Variants in GAB2 observed in about 807,000 individuals in gnomAD.
GAB2 encodes the protein GRB2 associated binding protein 2, also known as GRB2-associated-binding protein 2.
Under a neutral mutation model 65.5 loss-of-function variants are expected in GAB2, and 26 were observed. The observed-to-expected ratio is 0.40, with a 90% CI of 0.29 to 0.55. The LOEUF is 0.55. Among genes scored for constraint, GAB2 ranks in the 20% least tolerant of loss-of-function variants. GAB2 has a pLI of 0.53. For synonymous variants in GAB2, 321 were observed against 329.6 expected, an observed-to-expected ratio of 0.97 and a Z score of 0.28; for missense variants, 884 against 875.8, an observed-to-expected ratio of 1.01 and a Z score of -0.12.
chr11:78,409,280 A>G lies in GAB2; in HGVS notation c.75+8366T>C, dbSNP rs575712385. 5.9e-5 allele frequency among the ~76,000 whole-genome samples: 9 copies of G among 152,232 alleles called. No homozygotes were observed. The South Asian group carries it at 1.5e-3, about 25-fold the overall frequency. On this transcript the variant is annotated intron_variant, in intron 1 of 9. Coordinates refer to ENST00000361507, the MANE Select transcript of GAB2 (RefSeq NM_080491.3). The stretch of plus-strand genomic sequence containing the variant: ...CCACCAAGAAGATGTTGCAATTCTA[A>G]ATGTGTATATATTGAACAACAGGGC...
intron 1 of GAB2, among the ~76,000 whole-genome samples, chr11:78,306,928 G>A (rs1446532596): frequency 6.6e-6 from 1 of 152,164 alleles, no homozygotes; most frequent in Non-Finnish European, 1.5e-5. Context: ...TTTACAAAAT[G>A]TGTTATGTAT....
intron 1 of GAB2, among the ~76,000 whole-genome samples, chr11:78,398,989 G>A: frequency 6.6e-6 from 1 of 152,154 alleles, no homozygotes; most frequent in East Asian, 1.9e-4. Flanking sequence ...AGATTCAAAT[G>A]CATGGAATAT....
intron 1 of GAB2, among the ~76,000 whole-genome samples, chr11:78,335,744 A>C (rs1855986038): frequency 6.6e-6 from 1 of 152,104 alleles, no homozygotes; most frequent in African/African-American, 2.4e-5. Context: ...ATTCCATATA[A>C]ATTTTAGAAT....
At chr11:78,319,705 GAT>G (rs1470318342) in intron 1 of GAB2, among the ~76,000 whole-genome samples, 1 of 152,060 alleles carries the variant, frequency 6.6e-6, no homozygotes, top group Non-Finnish European at 1.5e-5. Flanking sequence ...ATTTTTATGA[GAT>G]ATAAAATTAT....
At chr11:78,227,960 G>T (rs1383755175) in intron 3 of GAB2, among the ~76,000 whole-genome samples, 1 of 152,102 alleles carries the variant, frequency 6.6e-6, no homozygotes, top group Non-Finnish European at 1.5e-5. Context: ...TTCCTGTTTG[G>T]GAACTATATA....
At chr11:78,370,538 A>G (rs1433992095) in intron 1 of GAB2, among the ~76,000 whole-genome samples, 1 of 152,154 alleles carries the variant, frequency 6.6e-6, no homozygotes, top group African/African-American at 2.4e-5. Context: ...CATGTGTTGC[A>G]ATCTCAGAGC....
At chr11:78,351,426 G>T (rs1372557504) in intron 1 of GAB2, among the ~76,000 whole-genome samples, 2 of 152,164 alleles carry the variant, frequency 1.3e-5, no homozygotes, top group Non-Finnish European at 2.9e-5. Flanking sequence ...GGATTCCCAG[G>T]TGGCCCTGGG....
intron 1 of GAB2, among the ~76,000 whole-genome samples, chr11:78,397,152 A>T (rs924138293): frequency 2.6e-5 from 4 of 152,354 alleles, no homozygotes; most frequent in African/African-American, 9.6e-5. Context: ...AATAGCGTAT[A>T]CTATGAAAGT....
chr11:78,220,394 G>T lies in GAB2; in HGVS notation c.1812C>A (p.Ala604=), dbSNP rs1340443562. Residue 604 remains alanine, a synonymous_variant, in exon 9 of 10, where the codon GCC becomes GCA. Transcript: ENST00000361507. ...CAACGCTGCCGGTGCTCTTCTTAGG[G>T]GCAGGACTGTTCGTGCCACTGGGAA... ...SPVPSGTNSP[A]PKKSTGSVDY... is the part of the protein sequence containing the mutation. The T allele has an allele frequency of 1.9e-6, 3 of 1,607,496 alleles. No individual in the cohort carries two copies. Among genetic ancestry groups the T allele is most frequent in the African/African-American group, 1.3e-5 (1 of 74,846 alleles).
At chr11:78,366,585 CAAAAA>C (rs33997665) in intron 1 of GAB2, among the ~76,000 whole-genome samples, 28 of 32,950 alleles carry the variant, frequency 8.5e-4, no homozygotes, top group African/African-American at 3.5e-3. Context: ...GACTCCATCT[CAAAAA>C]AAAAAAAAAA....
intron 3 of GAB2, among the ~76,000 whole-genome samples, chr11:78,230,134 C>A (rs554439044): frequency 1.3e-5 from 2 of 152,232 alleles, no homozygotes; most frequent in Non-Finnish European, 2.9e-5. Context: ...AATGAATAAA[C>A]GTTTGTTGTA....
chr11:78,409,770 G>C (rs1857103221), intron 1 of GAB2, among the ~76,000 whole-genome samples: 1 of 152,028 alleles, frequency 6.6e-6, no homozygotes, highest in African/African-American at 2.4e-5. Flanking sequence ...CAATCAAAAA[G>C]ATATAATTGA....
At chr11:78,372,115 C>T (rs1301737373) in intron 1 of GAB2, among the ~76,000 whole-genome samples, 1 of 152,150 alleles carries the variant, frequency 6.6e-6, no homozygotes, top group Non-Finnish European at 1.5e-5. Context: ...AAGGTATCTG[C>T]TTTTTTTCCT....
intron 2 of GAB2, among the ~76,000 whole-genome samples, chr11:78,261,299 A>G (rs924666547): frequency 1.3e-5 from 2 of 152,092 alleles, no homozygotes; most frequent in African/African-American, 4.8e-5. Flanking sequence ...ACAAAACCAA[A>G]ACAAAAACCA....
intron 1 of GAB2, among the ~76,000 whole-genome samples, chr11:78,370,998 C>T (rs909832331): frequency 6.6e-6 from 1 of 152,152 alleles, no homozygotes; most frequent in African/African-American, 2.4e-5. Flanking sequence ...GTAGTTCTCT[C>T]CACAATGGAC....
In GAB2 at chr11:78,225,183, G is replaced by T; in HGVS notation, c.1227C>A (p.Tyr409Ter). Reference sequence around the variant, plus strand: ...TCTCTCCACCACGCTGTGGGTACTCGTAGGTCTCACAGGAAGAAGCTGACA... The same window carrying T: ...TCTCTCCACCACGCTGTGGGTACTCTTAGGTCTCACAGGAAGAAGCTGACA... ...RLHRASSCET[Y>*]EYPQRGGESA... The change falls in exon 5 of 10, where the codon TAC becomes TAA. Residue 409 changes from tyrosine to a stop codon, truncating the protein, a stop_gained. Coordinates refer to ENST00000361507, the MANE Select transcript of GAB2 (RefSeq NM_080491.3). LOFTEE classifies it high-confidence loss of function. The T allele has an allele frequency of 6.2e-7, 1 of 1,610,420 alleles. No individual in the cohort carries two copies. The highest frequency in any genetic ancestry group is 8.5e-7 in the Non-Finnish European group (1 of 1,176,666).
chr11:78,337,315 T>C (rs888303838), intron 1 of GAB2, among the ~76,000 whole-genome samples: 1 of 152,278 alleles, frequency 6.6e-6, no homozygotes, highest in African/African-American at 2.4e-5. Context: ...AAAGGCAATA[T>C]GCAAAAGGCA....
chr11:78,359,360 A>G (rs2134714749), intron 1 of GAB2, among the ~76,000 whole-genome samples: 1 of 152,376 alleles, frequency 6.6e-6, no homozygotes, highest in Non-Finnish European at 1.5e-5. Flanking sequence ...CTGCAGAAGA[A>G]TGGCAATTAG....
intron 1 of GAB2, among the ~76,000 whole-genome samples, chr11:78,335,259 G>A (rs1855978580): frequency 6.6e-6 from 1 of 152,106 alleles, no homozygotes; most frequent in African/African-American, 2.4e-5. Flanking sequence ...GATCCCATTT[G>A]TCCATTTTCG....
Sources: allele counts gnomAD v4.1 joint callset (sites outside exome capture counted in the v4.1 genomes callset), GRCh38; gene constraint gnomAD v4.1.1; transcripts MANE v1.5; gene names NCBI Gene and HGNC (gene_info 2026-07-23, HGNC 2026-07-21).